SGCZ: variants seen among roughly 807,000 people sequenced by gnomAD.
SGCZ encodes sarcoglycan zeta.
SGCZ carries 40 observed loss-of-function variants against 41.3 expected under a neutral mutation model. The ratio of observed to expected loss-of-function variants is 0.97; its 90% confidence interval spans 0.75 to 1.26. The LOEUF (loss-of-function observed/expected upper bound fraction) is 1.26. SGCZ is among the 50% of genes most tolerant of loss of function. The pLI is 0.00. For synonymous variants in SGCZ, 206 were observed against 137.5 expected (o/e 1.50, Z -3.49); for missense variants, 552 against 369.8 (o/e 1.49, Z -4.04).
chr8:14,635,123 T>C (rs570261769), intron 1 of SGCZ, among the ~76,000 whole-genome samples: 1 of 151,934 alleles, frequency 6.6e-6, no homozygotes, highest in South Asian at 2.1e-4. Context: ...TATTTTAACA[T>C]CAAACTTTTC....
chr8:14,135,275 T>C (rs118189195), intron 5 of SGCZ, among the ~76,000 whole-genome samples: 231 of 152,382 alleles, frequency 1.5e-3, no homozygotes, highest in Non-Finnish European at 2.9e-3. Flanking sequence ...TTTTGAATTA[T>C]TTCACTTTTT....
chr8:14,547,009 G>T (rs1179835255), intron 2 of SGCZ, among the ~76,000 whole-genome samples: 1 of 151,598 alleles, frequency 6.6e-6, no homozygotes, highest in African/African-American at 2.4e-5. Flanking sequence ...GGTCTATAAT[G>T]CATATAATCT....
At chr8:14,929,615 A>T (rs1027088842) in intron 1 of SGCZ, among the ~76,000 whole-genome samples, 1 of 151,970 alleles carries the variant, frequency 6.6e-6, no homozygotes, top group South Asian at 2.1e-4. Flanking sequence ...AGGAATATAC[A>T]CTCAGCAGAT....
Position 14,446,151 on chromosome 8 carries a change from T to C in SGCZ, c.234+108581A>G, listed in dbSNP as rs78351976. On this transcript the variant is annotated intron_variant, in intron 2 of 7. Transcript: ENST00000382080. ...GGGAGAAAAAGCACTCAGGCATATA[T>C]ACCACCAGCTCCAATAACTGAATCT... Among the ~76,000 whole-genome samples, 148 of 152,276 alleles carry C rather than the reference T, an allele frequency of 9.7e-4. 3 individuals carry two copies. The East Asian group carries it at 0.028, about 29-fold the overall frequency.
intron 2 of SGCZ, among the ~76,000 whole-genome samples, chr8:14,345,159 C>G (rs1802851249): frequency 6.6e-6 from 1 of 151,956 alleles, no homozygotes; most frequent in Non-Finnish European, 1.5e-5. Context: ...TAGTAAAATA[C>G]CCGTAAACTT....
chr8:14,992,960 TC>T (rs1456627473), intron 1 of SGCZ, among the ~76,000 whole-genome samples: 1 of 143,598 alleles, frequency 7.0e-6, no homozygotes, highest in East Asian at 2.3e-4. Context: ...CCCCCACCCA[TC>T]CTCCTCCTTC....
intron 5 of SGCZ, among the ~76,000 whole-genome samples, chr8:14,133,323 C>T (rs1028156871): frequency 1.3e-5 from 2 of 152,170 alleles, no homozygotes; most frequent in Admixed American, 1.3e-4. Flanking sequence ...TCCATTTAAT[C>T]TTTTAACCTA....
chr8:14,823,600 A>C (rs182744721), intron 1 of SGCZ, among the ~76,000 whole-genome samples: 2 of 152,202 alleles, frequency 1.3e-5, no homozygotes, highest in Admixed American at 1.3e-4. Flanking sequence ...ACTTGTAGAG[A>C]GAAGGGAATA....
rs1240895052 is a variant in SGCZ, at chr8:15,237,992, A to G, written c.-369T>C. 2 of 183,942 alleles carry G rather than the reference A, an allele frequency of 1.1e-5. No individual in the cohort carries two copies. Among genetic ancestry groups the G allele is most frequent in the East Asian group, 2.5e-4 (2 of 7,902 alleles). 11.4% of individuals were successfully genotyped at this position (183,942 alleles called of 1,614,324 possible). ...ACCCAGCGAATTGCTGCATCCCGAG[A>G]AAAAAAGCTGCTTCCCTGGTCAGCA... On this transcript the variant is annotated 5_prime_UTR_variant, in exon 1 of 8. Transcript: ENST00000382080.
intron 1 of SGCZ, among the ~76,000 whole-genome samples, chr8:15,078,345 A>G (rs938178162): frequency 6.6e-6 from 1 of 150,724 alleles, no homozygotes; most frequent in Non-Finnish European, 1.5e-5. Context: ...GAAACCTAAG[A>G]GTCACTCTCC....
At chr8:15,219,935 T>C (rs916659378) in intron 1 of SGCZ, among the ~76,000 whole-genome samples, 2 of 152,202 alleles carry the variant, frequency 1.3e-5, no homozygotes, top group Admixed American at 6.5e-5. Flanking sequence ...AATACTTTGA[T>C]GGTAGTTGTA....
chr8:15,027,584 T>A (rs1803504770), intron 1 of SGCZ, among the ~76,000 whole-genome samples: 2 of 151,994 alleles, frequency 1.3e-5, no homozygotes, highest in South Asian at 2.1e-4. Flanking sequence ...CCTAAAGATG[T>A]GGAGAAGTCA....
chr8:14,245,488 T>A (rs892129516), intron 3 of SGCZ, among the ~76,000 whole-genome samples: 6 of 152,050 alleles, frequency 3.9e-5, no homozygotes, highest in African/African-American at 9.7e-5. Context: ...AAACCATAAA[T>A]ACCCTAGAAG....
chr8:15,133,087 G>C (rs1807972652), intron 1 of SGCZ, among the ~76,000 whole-genome samples: 1 of 152,058 alleles, frequency 6.6e-6, no homozygotes, highest in Non-Finnish European at 1.5e-5. Context: ...AGGTTGCAGT[G>C]AGTCAAGATC....
At chr8:14,747,692 T>TTATTATTA (rs3069638) in intron 1 of SGCZ, among the ~76,000 whole-genome samples, 2 of 128,070 alleles carry the variant, frequency 1.6e-5, no homozygotes, top group African/African-American at 2.7e-5. Context: ...ATTATTATTA[T>TTATTATTA]GTGTGTGTGT....
chr8:14,635,216 T>C (rs1806789850), intron 1 of SGCZ, among the ~76,000 whole-genome samples: 1 of 151,950 alleles, frequency 6.6e-6, no homozygotes, highest in African/African-American at 2.4e-5. Context: ...AGTCATTCTT[T>C]TTCTGCTTTA....
At chr8:15,100,788 G>A (rs1264444032) in intron 1 of SGCZ, among the ~76,000 whole-genome samples, 1 of 152,192 alleles carries the variant, frequency 6.6e-6, no homozygotes, top group East Asian at 1.9e-4. Flanking sequence ...TTCAAGTCCG[G>A]CCTGGGCAAT....
chr8:14,093,704 G>T (rs140998570), intron 7 of SGCZ, among the ~76,000 whole-genome samples: 1 of 152,096 alleles, frequency 6.6e-6, no homozygotes, highest in African/African-American at 2.4e-5. Flanking sequence ...GCCAGAAAAA[G>T]AATTCATATA....
At chr8:14,298,502 A>G (rs1356059025) in intron 3 of SGCZ, among the ~76,000 whole-genome samples, 4 of 152,040 alleles carry the variant, frequency 2.6e-5, no homozygotes, top group Non-Finnish European at 5.9e-5. Flanking sequence ...TATAAAATAT[A>G]CCATCAGTAT....
Sources: gnomAD v4.1 joint callset for allele counts (sites outside exome capture counted in the v4.1 genomes callset) on GRCh38, gnomAD v4.1.1 for gene constraint, MANE v1.5 for transcripts, NCBI Gene and HGNC (gene_info 2026-07-23, HGNC 2026-07-21) for gene names.